GRID2: variants seen among roughly 807,000 people sequenced by gnomAD.
GRID2 encodes glutamate ionotropic receptor delta type subunit 2.
Under a neutral mutation model 114.8 loss-of-function variants are expected in GRID2, and 33 were observed. The ratio of observed to expected loss-of-function variants is 0.29; its 90% CI spans 0.22 to 0.38. The LOEUF is 0.38. GRID2 is among the 10% of genes least tolerant of loss of function. The pLI, the probability that GRID2 is intolerant of heterozygous loss-of-function variation, is 1.00. For missense variants in GRID2, 1,184 were observed against 1,257.7 expected, an observed-to-expected ratio of 0.94 and a Z score of 0.89; for synonymous variants, 505 against 449.9, an observed-to-expected ratio of 1.12 and a Z score of -1.55.
At chr4:93,383,285 A>T (rs904907839) in intron 8 of GRID2, among the ~76,000 whole-genome samples, 16 of 152,248 alleles carry the variant, frequency 1.1e-4, no homozygotes, top group Non-Finnish European at 2.9e-5. Context: ...CAGAGCACAG[A>T]TCTCCAATAT....
chr4:92,763,476 A>G (rs1230650782), intron 2 of GRID2, among the ~76,000 whole-genome samples: 1 of 152,214 alleles, frequency 6.6e-6, no homozygotes, highest in Non-Finnish European at 1.5e-5. Flanking sequence ...ACAATTTAAA[A>G]CAATACACAT....
At chr4:92,387,488 G>A (rs990653555) in intron 1 of GRID2, among the ~76,000 whole-genome samples, 1 of 151,928 alleles carries the variant, frequency 6.6e-6, no homozygotes, top group Non-Finnish European at 1.5e-5. Flanking sequence ...GACCAACAAA[G>A]AGGGATATTT....
chr4:92,990,005 A>C (rs1754767561), intron 2 of GRID2, among the ~76,000 whole-genome samples: 1 of 152,190 alleles, frequency 6.6e-6, no homozygotes. Context: ...TCCGTGTTAA[A>C]AAAGAGAGCA....
intron 1 of GRID2, among the ~76,000 whole-genome samples, chr4:92,566,685 A>G (rs1447386441): frequency 6.6e-6 from 1 of 152,098 alleles, no homozygotes; most frequent in East Asian, 1.9e-4. Context: ...GATAGCACAG[A>G]TATTGTTTTA....
At chr4:93,284,863 A>T (rs763523116) in intron 8 of GRID2, among the ~76,000 whole-genome samples, 1 of 152,074 alleles carries the variant, frequency 6.6e-6, no homozygotes, top group Non-Finnish European at 1.5e-5. Flanking sequence ...AAAATAAATC[A>T]GTCATTATAT....
intron 1 of GRID2, among the ~76,000 whole-genome samples, chr4:92,564,662 G>A (rs898907618): frequency 2.0e-5 from 3 of 151,724 alleles, no homozygotes; most frequent in Non-Finnish European, 4.4e-5. Flanking sequence ...TGCTCTCTTC[G>A]GCAGTACATA....
intron 14 of GRID2, among the ~76,000 whole-genome samples, chr4:93,731,874 T>C (rs1200665056): frequency 6.6e-6 from 1 of 152,182 alleles, no homozygotes; most frequent in East Asian, 1.9e-4. Flanking sequence ...GCTCTCTGTT[T>C]CTGTAAGCCA....
At chr4:92,866,840 C>T (rs961503139) in intron 2 of GRID2, among the ~76,000 whole-genome samples, 4 of 152,098 alleles carry the variant, frequency 2.6e-5, no homozygotes, top group Non-Finnish European at 4.4e-5. Flanking sequence ...CGTGAGCCAC[C>T]GCTCCCGGCC....
chr4:92,704,701 A>ATCAATCTCTC (rs1553918654), intron 2 of GRID2, among the ~76,000 whole-genome samples: 2 of 113,664 alleles, frequency 1.8e-5, no homozygotes, highest in African/African-American at 6.5e-5. Context: ...CAATCAATCA[A>ATCAATCTCTC]TCTCTCTCTC....
chr4:93,310,635 C>T (rs528849132), intron 8 of GRID2, among the ~76,000 whole-genome samples: 1 of 152,092 alleles, frequency 6.6e-6, no homozygotes, highest in African/African-American at 2.4e-5. Flanking sequence ...GTGTTGAATT[C>T]CCCAGATTAC....
intron 2 of GRID2, among the ~76,000 whole-genome samples, chr4:93,000,175 C>T (rs996245972): frequency 2.6e-5 from 4 of 151,550 alleles, no homozygotes; most frequent in Non-Finnish European, 5.9e-5. Flanking sequence ...AACTCAGTAA[C>T]TATTTAATTT....
At chr4:92,611,940 A>C (rs558245262) in intron 2 of GRID2, among the ~76,000 whole-genome samples, 1 of 151,410 alleles carries the variant, frequency 6.6e-6, no homozygotes, top group Non-Finnish European at 1.5e-5. Context: ...CTACTAGTCC[A>C]TGATTTTCCC....
At chr4:93,286,706 T>G (rs987951979) in intron 8 of GRID2, among the ~76,000 whole-genome samples, 1 of 145,084 alleles carries the variant, frequency 6.9e-6, no homozygotes, top group Non-Finnish European at 1.5e-5. Flanking sequence ...TGTGTGTGTG[T>G]GTGTGTGTGT....
At position 93,681,457 on chromosome 4, in the gene GRID2, A is replaced by G. The variant is rs552131900; in HGVS notation, c.2360+55022A>G. On this transcript the variant is annotated intron_variant, in intron 14 of 15. Coordinates refer to ENST00000282020, the MANE Select transcript of GRID2 (RefSeq NM_001510.4). ...TAAAGTTCATGTGGAACCAAAAAAG[A>G]GCCCGCATTGCCAAGTCAATCCTAA... is the stretch of plus-strand genomic sequence containing the variant. 2.6e-5 allele frequency among the ~76,000 whole-genome samples: 4 copies of G among 151,644 alleles called. No homozygotes were observed. In the South Asian group the frequency reaches 8.3e-4, roughly 32 times the overall value.
chr4:92,951,515 G>T (rs971351964), intron 2 of GRID2, among the ~76,000 whole-genome samples: 1 of 151,722 alleles, frequency 6.6e-6, no homozygotes, highest in Non-Finnish European at 1.5e-5. Flanking sequence ...TAATTTTTTT[G>T]TATTTTTTGC....
At chr4:93,277,896 T>C (rs1752225597) in intron 8 of GRID2, among the ~76,000 whole-genome samples, 1 of 151,964 alleles carries the variant, frequency 6.6e-6, no homozygotes, top group Non-Finnish European at 1.5e-5. Context: ...CAAGGAAGTA[T>C]AAATCACTAT....
chr4:93,542,365 T>G (rs1342073837), intron 13 of GRID2, among the ~76,000 whole-genome samples: 1 of 152,154 alleles, frequency 6.6e-6, no homozygotes, highest in Non-Finnish European at 1.5e-5. Context: ...TTTCAATAAT[T>G]TTTCTTTTGG....
At chr4:92,600,038 GTGTGTGTATATATA>G (rs1197437680) in intron 2 of GRID2, among the ~76,000 whole-genome samples, 3 of 74,818 alleles carry the variant, frequency 4.0e-5, no homozygotes, top group Admixed American at 3.1e-4. Context: ...GTGTGTGTGT[GTGTGTGTATATATA>G]TATATATATA....
At chr4:93,434,604 C>T (rs1299604017) in intron 10 of GRID2, among the ~76,000 whole-genome samples, 1 of 152,090 alleles carries the variant, frequency 6.6e-6, no homozygotes, top group Non-Finnish European at 1.5e-5. Flanking sequence ...GCTCCACTCA[C>T]TATCTTGTTC....
Sources: gnomAD v4.1 joint callset for allele counts (sites outside exome capture counted in the v4.1 genomes callset) on GRCh38, gnomAD v4.1.1 for gene constraint, MANE v1.5 for transcripts, NCBI Gene and HGNC (gene_info 2026-07-23, HGNC 2026-07-21) for gene names.